CNTN4: variants seen among roughly 807,000 people sequenced by gnomAD.
CNTN4 encodes the protein contactin 4.
Under a neutral mutation model 122.5 loss-of-function variants are expected in CNTN4, and 77 were observed. That is an observed-to-expected ratio of 0.63 (90% CI 0.52 to 0.76). CNTN4 has a LOEUF of 0.76. Among genes scored for constraint, CNTN4 ranks in the 30% least tolerant of loss-of-function variants. CNTN4 has a pLI of 0.00. For synonymous variants in CNTN4, 512 were observed against 447.0 expected (o/e 1.15, Z -1.83); for missense variants, 1,256 against 1,259.1 (o/e 1.00, Z 0.04).
chr3:2,270,338 G>T (rs1254007994), intron 2 of CNTN4, among the ~76,000 whole-genome samples: 4 of 152,076 alleles, frequency 2.6e-5, no homozygotes, highest in Non-Finnish European at 5.9e-5. Flanking sequence ...TGGGGGTTTG[G>T]TGTACAGATT....
chr3:2,464,340 A>G (rs1284440774), intron 3 of CNTN4, among the ~76,000 whole-genome samples: 5 of 152,208 alleles, frequency 3.3e-5, no homozygotes, highest in Admixed American at 6.5e-5. Context: ...TTGTTGCAGG[A>G]AGTGGCGCAT....
intron 4 of CNTN4, among the ~76,000 whole-genome samples, chr3:2,598,093 CTG>C (rs2080857730): frequency 1.3e-5 from 2 of 152,184 alleles, no homozygotes; most frequent in Admixed American, 1.3e-4. Flanking sequence ...TTGCAGCACA[CTG>C]TGAATTCAGC....
In CNTN4 at chr3:2,189,664, C is replaced by T. The variant is rs571813210; in HGVS notation, c.-145+89025C>T. Reference sequence around the variant, plus strand: ...GCTGGAGCCCCATTCTGACTTTCCTCTCTCTAAGCAAGATGGCGCTCTTCA... The same window carrying T: ...GCTGGAGCCCCATTCTGACTTTCCTTTCTCTAAGCAAGATGGCGCTCTTCA... On this transcript the variant is annotated intron_variant, in intron 2 of 24. Transcript: ENST00000418658. Among the ~76,000 whole-genome samples the T allele has an allele frequency of 1.1e-4, 16 of 152,300 alleles. No homozygotes were observed. In the East Asian group the frequency reaches 2.9e-3, roughly 28 times the overall value.
intron 2 of CNTN4, among the ~76,000 whole-genome samples, chr3:2,155,500 T>G (rs553989153): frequency 6.6e-6 from 1 of 152,358 alleles, no homozygotes; most frequent in East Asian, 1.9e-4. Flanking sequence ...CTTTTTCTTT[T>G]GCGAACACAG....
chr3:2,105,174 A>G (rs1395290392), intron 2 of CNTN4, among the ~76,000 whole-genome samples: 1 of 152,184 alleles, frequency 6.6e-6, no homozygotes, highest in Admixed American at 6.5e-5. Flanking sequence ...ACCAGGGAGC[A>G]TGTGGGCCTG....
intron 4 of CNTN4, among the ~76,000 whole-genome samples, chr3:2,685,794 T>C (rs551405626): frequency 1.3e-5 from 2 of 152,282 alleles, no homozygotes; most frequent in African/African-American, 4.8e-5. Flanking sequence ...CAGCAAGGAA[T>C]TAAAGAGCCT....
At chr3:2,933,015 A>AGG in intron 13 of CNTN4, among the ~76,000 whole-genome samples, 1 of 151,836 alleles carries the variant, frequency 6.6e-6, no homozygotes, top group Admixed American at 6.6e-5. Context: ...GTAGAGACGA[A>AGG]GTTTCACCGT....
chr3:2,836,903 C>G (rs907141332), intron 7 of CNTN4, among the ~76,000 whole-genome samples: 1 of 151,876 alleles, frequency 6.6e-6, no homozygotes, highest in Non-Finnish European at 1.5e-5. Flanking sequence ...TATCTCAAAA[C>G]TTAAAGTATA....
chr3:2,162,664 C>T (rs1221607953), intron 2 of CNTN4, among the ~76,000 whole-genome samples: 2 of 152,158 alleles, frequency 1.3e-5, no homozygotes, highest in Non-Finnish European at 2.9e-5. Flanking sequence ...TGCCATTCTG[C>T]TGGCCATGTT....
intron 6 of CNTN4, among the ~76,000 whole-genome samples, chr3:2,805,363 T>G (rs2092442350): frequency 1.3e-5 from 2 of 152,054 alleles, no homozygotes; most frequent in Non-Finnish European, 2.9e-5. Flanking sequence ...ACTAGGAAAG[T>G]TGCAAGGCAA....
At chr3:2,691,772 T>C (rs1481071539) in intron 4 of CNTN4, among the ~76,000 whole-genome samples, 1 of 152,210 alleles carries the variant, frequency 6.6e-6, no homozygotes, top group Non-Finnish European at 1.5e-5. Context: ...AGATGTAGTT[T>C]CTTGGTGCTG....
chr3:2,304,076 A>G (rs140928838), intron 2 of CNTN4, among the ~76,000 whole-genome samples: 2,587 of 152,284 alleles, frequency 0.017, 27 homozygotes, highest in Middle Eastern at 0.048. Flanking sequence ...CAGTCCATCT[A>G]TCTTTTGATG....
chr3:2,735,965 T>A (rs754989686), intron 4 of CNTN4: 1 of 605,148 alleles, frequency 1.7e-6, no homozygotes, highest in Non-Finnish European at 3.2e-6. Context: ...TCAAGCAGCC[T>A]GCGCCTGGAA....
rs377237592 is a variant in CNTN4 at position 2,392,648 on chromosome 3, T to A, written c.-89+53415T>A. Among the ~76,000 whole-genome samples the A allele has an allele frequency of 2.0e-5, 3 of 152,320 alleles. No individual in the cohort carries two copies. In the East Asian group the frequency reaches 5.8e-4, roughly 29 times the overall value. On this transcript the variant is annotated intron_variant, in intron 3 of 24. Transcript: ENST00000418658. ...GATATTTATTTGCAGTGATAAAATTTTAAGTCCTCTTTTAGCTATCTTGAA... is the reference window on the plus strand; with the variant it reads ...GATATTTATTTGCAGTGATAAAATTATAAGTCCTCTTTTAGCTATCTTGAA...
chr3:2,511,118 A>T (rs2076874303), intron 3 of CNTN4, among the ~76,000 whole-genome samples: 1 of 152,132 alleles, frequency 6.6e-6, no homozygotes, highest in Non-Finnish European at 1.5e-5. Context: ...CCTTCTTGGG[A>T]GCTGCTGAGA....
At chr3:2,229,289 A>G (rs1153522) in intron 2 of CNTN4, among the ~76,000 whole-genome samples, 150,769 of 152,278 alleles carry the variant, frequency 0.99, 74,662 homozygotes, top group Middle Eastern at 1. Flanking sequence ...ATTAAAAAAT[A>G]ATTTCAAAGG....
intron 14 of CNTN4, among the ~76,000 whole-genome samples, chr3:3,007,838 C>A (rs1696808801): frequency 6.6e-6 from 1 of 152,106 alleles, no homozygotes; most frequent in African/African-American, 2.4e-5. Context: ...AATCTTTTAT[C>A]CCAATTAGAA....
At chr3:2,519,944 C>T (rs909710488) in intron 3 of CNTN4, among the ~76,000 whole-genome samples, 2 of 152,032 alleles carry the variant, frequency 1.3e-5, no homozygotes, top group Non-Finnish European at 2.9e-5. Flanking sequence ...TTGGGTACTT[C>T]TAGGGAGGAA....
chr3:2,405,639 G>A (rs1432839479), intron 3 of CNTN4, among the ~76,000 whole-genome samples: 1 of 149,082 alleles, frequency 6.7e-6, no homozygotes. Context: ...AGATAGATAG[G>A]AGTCAAGGAT....
Sources: gnomAD v4.1 joint callset for allele counts (sites outside exome capture counted in the v4.1 genomes callset) on GRCh38, gnomAD v4.1.1 for gene constraint, MANE v1.5 for transcripts, NCBI Gene and HGNC (gene_info 2026-07-23, HGNC 2026-07-21) for gene names.